SPIDR: variants seen among roughly 807,000 people sequenced by gnomAD.
SPIDR encodes scaffold protein involved in DNA repair.
A neutral mutation model predicts 104.6 loss-of-function variants in SPIDR; 93 were observed. The ratio of observed to expected loss-of-function variants is 0.89; its 90% CI spans 0.75 to 1.06. The LOEUF (loss-of-function observed/expected upper bound fraction) is 1.06. SPIDR is among the 50% of genes least tolerant of loss of function. SPIDR has a pLI of 0.00. For synonymous variants in SPIDR, 431 were observed against 416.9 expected, an observed-to-expected ratio of 1.03 and a Z score of -0.41; for missense variants, 1,154 against 1,111.2, an observed-to-expected ratio of 1.04 and a Z score of -0.55.
intron 10 of SPIDR, among the ~76,000 whole-genome samples, chr8:47,619,888 T>C (rs1333749611): frequency 6.6e-6 from 1 of 152,160 alleles, no homozygotes; most frequent in Non-Finnish European, 1.5e-5. Context: ...TCCCCCACCG[T>C]GCTGCCTTTA....
chr8:47,420,064 TGTG>T (rs1554678802), intron 7 of SPIDR, among the ~76,000 whole-genome samples: 1 of 152,178 alleles, frequency 6.6e-6, no homozygotes, highest in African/African-American at 2.4e-5. Flanking sequence ...ATAGGTGTGG[TGTG>T]GTGCTGAGAA....
chr8:47,544,824 T>TGA (rs1387792214), intron 8 of SPIDR, among the ~76,000 whole-genome samples: 2 of 152,240 alleles, frequency 1.3e-5, no homozygotes, highest in African/African-American at 4.8e-5. Flanking sequence ...ATATAAATTT[T>TGA]AGAGTAATTT....
At chr8:47,701,004 CCTG>C (rs2080098040) in intron 12 of SPIDR, among the ~76,000 whole-genome samples, 1 of 152,204 alleles carries the variant, frequency 6.6e-6, no homozygotes, top group African/African-American at 2.4e-5. Flanking sequence ...TCCTCTCCCT[CCTG>C]AGCCTTTTCC....
intron 8 of SPIDR, among the ~76,000 whole-genome samples, chr8:47,486,850 G>A (rs1390175745): frequency 6.6e-6 from 1 of 152,154 alleles, no homozygotes; most frequent in Non-Finnish European, 1.5e-5. Context: ...CCTGAAGGAA[G>A]CACTAAACGC....
chr8:47,497,833 C>T (rs955892601), intron 8 of SPIDR, among the ~76,000 whole-genome samples: 1 of 152,128 alleles, frequency 6.6e-6, no homozygotes, highest in Non-Finnish European at 1.5e-5. Context: ...GGTCTTTCGA[C>T]AGCTGTTGTC....
chr8:47,621,146 G>A (rs575471795), intron 10 of SPIDR, among the ~76,000 whole-genome samples: 5 of 151,794 alleles, frequency 3.3e-5, no homozygotes, highest in South Asian at 2.1e-4. Context: ...TAGTAGAGAC[G>A]GGGTTTCACC....
At chr8:47,510,862 C>A (rs1390508857) in intron 8 of SPIDR, among the ~76,000 whole-genome samples, 1 of 152,036 alleles carries the variant, frequency 6.6e-6, no homozygotes, top group East Asian at 1.9e-4. Context: ...CCAGGAAATA[C>A]AACTAAGGAG....
chr8:47,358,939 T>C (rs1032400910), intron 5 of SPIDR, among the ~76,000 whole-genome samples: 1 of 152,136 alleles, frequency 6.6e-6, no homozygotes, highest in Non-Finnish European at 1.5e-5. Context: ...AAATTTCTGG[T>C]AGTCTCTAGG....
At chr8:47,654,057 T>C in intron 10 of SPIDR, 1 of 1,289,572 alleles carries the variant, frequency 7.8e-7, no homozygotes, top group Non-Finnish European at 1.0e-6. Context: ...GATAGGGGCG[T>C]GGTAGCAGCA....
chr8:47,534,814 A>G (rs1359242474), intron 8 of SPIDR, among the ~76,000 whole-genome samples: 1 of 152,152 alleles, frequency 6.6e-6, no homozygotes, highest in Non-Finnish European at 1.5e-5. Flanking sequence ...GCAGAAATTA[A>G]TGAAATCGAA....
intron 10 of SPIDR, among the ~76,000 whole-genome samples, chr8:47,662,531 A>G (rs556580168): frequency 6.6e-6 from 1 of 152,300 alleles, no homozygotes; most frequent in East Asian, 1.9e-4. Flanking sequence ...CACTGGGTCT[A>G]AGGAGACTGT....
At chr8:47,554,447 A>G (rs2091040291) in intron 8 of SPIDR, among the ~76,000 whole-genome samples, 1 of 152,184 alleles carries the variant, frequency 6.6e-6, no homozygotes, top group Non-Finnish European at 1.5e-5. Flanking sequence ...AGCCTCAGCA[A>G]TGGCAGACGT....
intron 8 of SPIDR, among the ~76,000 whole-genome samples, chr8:47,563,344 T>A (rs1023820976): frequency 6.6e-6 from 1 of 150,528 alleles, no homozygotes; most frequent in Non-Finnish European, 1.5e-5. Flanking sequence ...TCATTTTTCT[T>A]TTTTTTTTAG....
chr8:47,651,488 T>C (rs2071617664), intron 10 of SPIDR, among the ~76,000 whole-genome samples: 1 of 152,164 alleles, frequency 6.6e-6, no homozygotes, highest in African/African-American at 2.4e-5. Context: ...GGAACGCTTA[T>C]ACAGTACTGG....
intron 8 of SPIDR, among the ~76,000 whole-genome samples, chr8:47,534,287 G>T (rs1286428248): frequency 6.6e-6 from 1 of 152,172 alleles, no homozygotes; most frequent in African/African-American, 2.4e-5. Flanking sequence ...CTTGGTATAT[G>T]CCTAGAGGAA....
At chr8:47,285,605 T>G (rs1489508706) in intron 3 of SPIDR, among the ~76,000 whole-genome samples, 9 of 152,218 alleles carry the variant, frequency 5.9e-5, no homozygotes, top group African/African-American at 2.2e-4. Context: ...TTGTAGATGA[T>G]TGCCTTCTTC....
chr8:47,634,981 G>A lies in SPIDR; in HGVS notation c.1544+35785G>A, dbSNP rs1420649297. Among the ~76,000 whole-genome samples the A allele has an allele frequency of 2.0e-5, 3 of 152,168 alleles. No homozygotes were observed. The East Asian group carries it at 5.8e-4, about 29-fold the overall frequency. On this transcript the variant is annotated intron_variant, in intron 10 of 19. Transcript: ENST00000297423. ...CCCAGTAAAGCATTTGTATGATCAAGTAACACTTTTCTTGAAAATGGAGTC... is the reference window on the plus strand; with the variant it reads ...CCCAGTAAAGCATTTGTATGATCAAATAACACTTTTCTTGAAAATGGAGTC...
At chr8:47,310,794 C>T (rs899393923) in intron 5 of SPIDR, among the ~76,000 whole-genome samples, 5 of 152,024 alleles carry the variant, frequency 3.3e-5, no homozygotes, top group Non-Finnish European at 7.4e-5. Context: ...TTCATTTGCA[C>T]AAGAAAGAGT....
At chr8:47,642,174 A>C (rs1408307076) in intron 10 of SPIDR, among the ~76,000 whole-genome samples, 2 of 152,208 alleles carry the variant, frequency 1.3e-5, no homozygotes, top group Non-Finnish European at 2.9e-5. Context: ...CTGTAATCCC[A>C]GCACTTTGGG....
Sources: allele counts gnomAD v4.1 joint callset (sites outside exome capture counted in the v4.1 genomes callset), GRCh38; gene constraint gnomAD v4.1.1; transcripts MANE v1.5; gene names NCBI Gene and HGNC (gene_info 2026-07-23, HGNC 2026-07-21).